Variants in CDH2 observed in about 807,000 individuals in gnomAD.
The protein encoded by CDH2 is cadherin-2.
Under a neutral mutation model 92.0 loss-of-function variants are expected in CDH2, and 17 were observed. The ratio of observed to expected loss-of-function variants is 0.18; its 90% confidence interval spans 0.13 to 0.28. CDH2 has a LOEUF of 0.28. Among genes scored for constraint, CDH2 ranks in the 10% least tolerant of loss-of-function variants. CDH2 has a pLI of 1.00. For synonymous variants in CDH2, 419 were observed against 415.9 expected (o/e 1.01, Z -0.09); for missense variants, 862 against 1,133.1 (o/e 0.76, Z 3.44).
intron 1 of CDH2, among the ~76,000 whole-genome samples, chr18:28,160,356 G>A (rs1296333288): frequency 6.6e-6 from 1 of 152,096 alleles, no homozygotes; most frequent in Non-Finnish European, 1.5e-5. Flanking sequence ...GTGCTGAGGG[G>A]CCTCAGCTTG....
intron 2 of CDH2, among the ~76,000 whole-genome samples, chr18:28,096,083 T>A (rs1357885642): frequency 2.0e-5 from 3 of 152,150 alleles, no homozygotes; most frequent in Non-Finnish European, 4.4e-5. Context: ...CGTGTCTGGA[T>A]CCAAGTGGAA....
At chr18:28,087,278 A>C (rs1208312128) in intron 2 of CDH2, among the ~76,000 whole-genome samples, 1 of 152,216 alleles carries the variant, frequency 6.6e-6, no homozygotes, top group East Asian at 1.9e-4. Flanking sequence ...AGCATGATAA[A>C]GCATAAAGCG....
Position 28,058,104 on chromosome 18 carries a change from T to A in CDH2, c.173-44195A>T, listed in dbSNP as rs545364486. Reference sequence around the variant, plus strand: ...TCATTCAGTTACCATTTCAATGGGATGTAAATATGTTCTTGTAACAGTGTT... The same window carrying A: ...TCATTCAGTTACCATTTCAATGGGAAGTAAATATGTTCTTGTAACAGTGTT... On this transcript the variant is annotated intron_variant, in intron 2 of 15. Transcript: ENST00000269141. Among the ~76,000 whole-genome samples, 17 of 152,312 alleles carry A rather than the reference T, an allele frequency of 1.1e-4. No individual in the cohort carries two copies. In the East Asian group the frequency reaches 2.9e-3, roughly 26 times the overall value.
At chr18:28,017,794 C>G (rs1296983666) in intron 2 of CDH2, among the ~76,000 whole-genome samples, 3 of 151,988 alleles carry the variant, frequency 2.0e-5, no homozygotes, top group African/African-American at 7.2e-5. Flanking sequence ...TATGACAAAC[C>G]CACAGCTAAC....
chr18:27,968,685 G>A (rs568863576), intron 14 of CDH2, among the ~76,000 whole-genome samples: 1 of 152,304 alleles, frequency 6.6e-6, no homozygotes, highest in Admixed American at 6.5e-5. Context: ...GCATGGGCTG[G>A]TTCAAGTGGA....
intron 1 of CDH2, among the ~76,000 whole-genome samples, chr18:28,156,376 GT>G (rs2016210787): frequency 6.6e-6 from 1 of 152,046 alleles, no homozygotes; most frequent in South Asian, 2.1e-4. Flanking sequence ...CAAAATCTGG[GT>G]CTGCATACAA....
At chr18:27,958,125 C>T (rs934375317) in intron 15 of CDH2, among the ~76,000 whole-genome samples, 1 of 152,036 alleles carries the variant, frequency 6.6e-6, no homozygotes, top group Non-Finnish European at 1.5e-5. Flanking sequence ...AATAAGAAAA[C>T]TGAAAAGGTT....
intron 1 of CDH2, chr18:28,168,731 GT>G: frequency 5.4e-6 from 1 of 183,956 alleles, no homozygotes; most frequent in Non-Finnish European, 1.0e-5. Context: ...CAAGCATTAT[GT>G]TTTGGCTTCA....
chr18:28,024,149 T>C (rs1417310448), intron 2 of CDH2, among the ~76,000 whole-genome samples: 1 of 152,194 alleles, frequency 6.6e-6, no homozygotes, highest in African/African-American at 2.4e-5. Context: ...AAATGTGTCA[T>C]GCAAGTAGCT....
At chr18:27,985,340 G>T in intron 12 of CDH2, 107 bp from the exon 13 acceptor site, 3 of 789,964 alleles carry the variant, frequency 3.8e-6, no homozygotes, top group Non-Finnish European at 6.1e-6. Context: ...CACATAAAGC[G>T]GATTACAACT....
intron 2 of CDH2, 146 bp from the exon 3 acceptor site, chr18:28,014,055 A>C: frequency 1.6e-6 from 1 of 625,750 alleles, no homozygotes; most frequent in Non-Finnish European, 2.8e-6. Flanking sequence ...TTATTTTATT[A>C]TATCAAAAGC....
chr18:27,955,389 A>G (rs1409851520), intron 15 of CDH2, among the ~76,000 whole-genome samples: 14 of 22,624 alleles, frequency 6.2e-4, no homozygotes, highest in Admixed American at 1.2e-3. Context: ...AAAAAAAGAA[A>G]AAGAAAGAAA....
rs533134929 is a variant in CDH2, at chr18:28,087,163, T to C, written c.172+60510A>G. On this transcript the variant is annotated intron_variant, in intron 2 of 15. Transcript: ENST00000269141. ...ATCTTTTGCCTGTTGATGAATTTGA[T>C]AGCATTCTTTATGAGATCAATTTCC... Among the ~76,000 whole-genome samples, 7 of 152,324 alleles carry C rather than the reference T, an allele frequency of 4.6e-5. No homozygotes were observed. In the South Asian group the frequency reaches 1.2e-3, roughly 27 times the overall value.
chr18:27,988,498 C>T, intron 11 of CDH2, 26 bp downstream of exon 11: 1 of 1,601,252 alleles, frequency 6.2e-7, no homozygotes, highest in Non-Finnish European at 8.5e-7. Flanking sequence ...CTTTCATCAA[C>T]ATACAAGAAA....
In CDH2 at chr18:28,003,358, C is replaced by G. The variant is rs529865528; in HGVS notation, c.848-189G>C. 3.9e-5 allele frequency among the ~76,000 whole-genome samples: 6 copies of G among 152,224 alleles called. No homozygotes were observed. The South Asian group carries it at 1.2e-3, about 32-fold the overall frequency. ...TATTTCAAAAAAGATAAAACCTGGTCTGGATCTTTGAATGAAAAATTATAC... is the reference window on the plus strand; with the variant it reads ...TATTTCAAAAAAGATAAAACCTGGTGTGGATCTTTGAATGAAAAATTATAC... On this transcript the variant is annotated intron_variant, in intron 6 of 15. Coordinates refer to ENST00000269141, the MANE Select transcript of CDH2 (RefSeq NM_001792.5).
rs1411707891 is a variant in CDH2 at position 27,985,693 on chromosome 18, G to T, written c.1810C>A (p.Gln604Lys). 1 of 1,613,822 alleles carries T rather than the reference G, an allele frequency of 6.2e-7. No homozygotes were observed. Among genetic ancestry groups the T allele is most frequent in the East Asian group, 2.2e-5 (1 of 44,894 alleles). Reference sequence around the variant, plus strand: ...GTCTCTGCCTCTTGAGGTAACACTTGAGGGGCATTGTCATTAATATCAAGT... The same window carrying T: ...GTCTCTGCCTCTTGAGGTAACACTTTAGGGGCATTGTCATTAATATCAAGT... ...YLLDINDNAP[Q>K]VLPQEAETCE... is the part of the protein sequence containing the mutation. Residue 604 changes from glutamine to lysine, a missense_variant, in exon 12 of 16, where the codon CAA becomes AAA. By Grantham distance (53) the Gln-to-Lys change is moderately conservative. Coordinates refer to ENST00000269141, the MANE Select transcript of CDH2 (RefSeq NM_001792.5).
intron 2 of CDH2, among the ~76,000 whole-genome samples, chr18:28,049,548 A>C (rs1208591438): frequency 1.3e-5 from 2 of 152,212 alleles, no homozygotes; most frequent in African/African-American, 4.8e-5. Context: ...ATACCAGAGA[A>C]GCAACAATGT....
chr18:27,952,121 T>C lies in CDH2; in HGVS notation c.*32A>G, dbSNP rs201787083. On this transcript the variant is annotated 3_prime_UTR_variant, in exon 16 of 16. Transcript: ENST00000269141. Reference sequence around the variant, plus strand: ...TGGGAATATCAGTTGAAATTGTTTGTACTTGTCCAAAAACCAAGTTCACCC... The same window carrying C: ...TGGGAATATCAGTTGAAATTGTTTGCACTTGTCCAAAAACCAAGTTCACCC... 11 of 1,554,610 alleles carry C rather than the reference T, an allele frequency of 7.1e-6. No individual in the cohort carries two copies. The highest frequency in any genetic ancestry group is 2.7e-5 in the African/African-American group (2 of 73,672).
intron 1 of CDH2, among the ~76,000 whole-genome samples, chr18:28,161,572 C>T (rs1262864525): frequency 6.8e-6 from 1 of 147,154 alleles, no homozygotes; most frequent in Non-Finnish European, 1.5e-5. Flanking sequence ...AGAGTGAAAC[C>T]CTGTCTCGAA....
Sources: gnomAD v4.1 joint callset for allele counts (sites outside exome capture counted in the v4.1 genomes callset) on GRCh38, gnomAD v4.1.1 for gene constraint, MANE v1.5 for transcripts, NCBI Gene and HGNC (gene_info 2026-07-23, HGNC 2026-07-21) for gene names.